Variants in GPM6A observed in about 807,000 individuals in gnomAD.
GPM6A encodes the protein neuronal membrane glycoprotein M6-a.
Under a neutral mutation model 32.1 loss-of-function variants are expected in GPM6A, and 7 were observed. The observed-to-expected ratio is 0.22, with a 90% CI of 0.12 to 0.41. The LOEUF (loss-of-function observed/expected upper bound fraction) is 0.41. Ranked by LOEUF, GPM6A falls within the 10% of genes least tolerant of loss-of-function variation. The pLI is 1.00. For missense variants in GPM6A, 235 were observed against 347.2 expected (o/e 0.68, Z 2.57); for synonymous variants, 130 against 123.4 (o/e 1.05, Z -0.35).
intron 1 of GPM6A, among the ~76,000 whole-genome samples, chr4:175,939,536 G>C (rs1400203626): frequency 1.3e-5 from 2 of 152,076 alleles, no homozygotes; most frequent in African/African-American, 2.4e-5. Context: ...CCCAATTAAA[G>C]AGAGGCCACT....
rs77327628 is a variant in GPM6A, at chr4:175,967,275, G to A, written c.-23+35034C>T. ...AAAAACTTTCAGCAAACTAGGGATCGAGGTGAACTTTCTCAACTTGGTAAA... is the reference window on the plus strand; with the variant it reads ...AAAAACTTTCAGCAAACTAGGGATCAAGGTGAACTTTCTCAACTTGGTAAA... On this transcript the variant is annotated intron_variant, in intron 1 of 7. Transcript: ENST00000280187. Among the ~76,000 whole-genome samples, 73 of 152,202 alleles carry A rather than the reference G, an allele frequency of 4.8e-4. No individual in the cohort carries two copies. In the East Asian group the frequency reaches 0.012, roughly 25 times the overall value.
At chr4:175,837,652 C>CACTG (rs1429021466) in intron 1 of GPM6A, among the ~76,000 whole-genome samples, 2 of 152,158 alleles carry the variant, frequency 1.3e-5, no homozygotes, top group Non-Finnish European at 2.9e-5. Flanking sequence ...TAAGCCTGAG[C>CACTG]ACTGACAGAG....
In GPM6A at chr4:175,807,978, C is replaced by A. The variant is rs187145274; in HGVS notation, c.37+4213G>T. 2.0e-5 allele frequency among the ~76,000 whole-genome samples: 3 copies of A among 152,262 alleles called. No homozygotes were observed. In the East Asian group the frequency reaches 5.8e-4, roughly 29 times the overall value. Reference sequence around the variant, plus strand: ...TACCACTTAAGGTTATTGTGAAGAGCCAATGAGTTCATTTAGGTAAAGTCC... The same window carrying A: ...TACCACTTAAGGTTATTGTGAAGAGACAATGAGTTCATTTAGGTAAAGTCC... On this transcript the variant is annotated intron_variant, in intron 1 of 6. Transcript: ENST00000393658.
intron 1 of GPM6A, among the ~76,000 whole-genome samples, chr4:175,870,923 A>G (rs891479393): frequency 6.6e-6 from 1 of 152,026 alleles, no homozygotes; most frequent in Non-Finnish European, 1.5e-5. Flanking sequence ...ATCACACAAA[A>G]CATTTATGAC....
chr4:175,740,684 T>C (rs1197898554), intron 1 of GPM6A, among the ~76,000 whole-genome samples: 2 of 152,072 alleles, frequency 1.3e-5, no homozygotes, highest in South Asian at 2.1e-4. Flanking sequence ...GATTAGAAAA[T>C]ATTTTTGTTT....
At chr4:175,936,468 A>G (rs1739238730) in intron 1 of GPM6A, among the ~76,000 whole-genome samples, 1 of 150,944 alleles carries the variant, frequency 6.6e-6, no homozygotes, top group Non-Finnish European at 1.5e-5. Context: ...CCACTAGAAC[A>G]TAGTTACCCA....
intron 3 of GPM6A, among the ~76,000 whole-genome samples, chr4:175,663,892 C>T (rs1742582026): frequency 6.6e-6 from 1 of 152,006 alleles, no homozygotes; most frequent in African/African-American, 2.4e-5. Context: ...CGGGATTTCA[C>T]TGTGTTAGCC....
At chr4:175,771,404 T>C (rs985022234) in intron 1 of GPM6A, among the ~76,000 whole-genome samples, 2 of 151,864 alleles carry the variant, frequency 1.3e-5, no homozygotes, top group African/African-American at 2.4e-5. Flanking sequence ...AAACCCTGTC[T>C]CTACTAAAAA....
At chr4:175,659,554 TA>T (rs1394967280) in intron 3 of GPM6A, among the ~76,000 whole-genome samples, 6 of 152,186 alleles carry the variant, frequency 3.9e-5, no homozygotes, top group Non-Finnish European at 8.8e-5. Flanking sequence ...TTATGTTCCA[TA>T]AATTTATTTT....
chr4:175,910,764 C>T (rs148749096), intron 1 of GPM6A, among the ~76,000 whole-genome samples: 2 of 152,210 alleles, frequency 1.3e-5, no homozygotes, highest in Non-Finnish European at 1.5e-5. Flanking sequence ...CTCTCTAAAC[C>T]GGAGTTCAAC....
At chr4:175,637,122 A>C (rs28880662) in intron 6 of GPM6A, among the ~76,000 whole-genome samples, 6 of 119,604 alleles carry the variant, frequency 5.0e-5, no homozygotes, top group South Asian at 2.3e-4. Flanking sequence ...TGTGATATAT[A>C]ATATATAATA....
At chr4:175,909,702 G>A (rs766954058) in intron 1 of GPM6A, among the ~76,000 whole-genome samples, 4 of 152,062 alleles carry the variant, frequency 2.6e-5, no homozygotes, top group Non-Finnish European at 4.4e-5. Flanking sequence ...ACAGTAATCT[G>A]GAAAAGATTC....
At chr4:175,931,709 C>CACACACATATATATATAT (rs1324269132) in intron 1 of GPM6A, among the ~76,000 whole-genome samples, 17 of 129,298 alleles carry the variant, frequency 1.3e-4, no homozygotes, top group African/African-American at 4.0e-4. Context: ...CACACACACA[C>CACACACATATATATATAT]ATATATATAT....
chr4:175,691,232 C>A (rs1286612513), intron 2 of GPM6A, among the ~76,000 whole-genome samples: 3 of 152,002 alleles, frequency 2.0e-5, no homozygotes, highest in African/African-American at 7.2e-5. Flanking sequence ...ATTATGAAGT[C>A]ACAGAAGGAT....
In GPM6A at chr4:175,984,185, C is replaced by T. The variant is rs1035102095; in HGVS notation, c.-23+18124G>A. Among the ~76,000 whole-genome samples, 6 of 151,980 alleles carry T rather than the reference C, an allele frequency of 3.9e-5. No homozygotes were observed. In the East Asian group the frequency reaches 7.7e-4, roughly 20 times the overall value. On this transcript the variant is annotated intron_variant, in intron 1 of 7. Transcript: ENST00000280187. ...TTATTTATTTATGTATTTATTGAGA[C>T]GAAGTCTTGCTCTGTCACCCAAGCT... is the stretch of plus-strand genomic sequence containing the variant.
At chr4:175,785,285 A>G (rs138709580) in intron 1 of GPM6A, among the ~76,000 whole-genome samples, 214 of 152,278 alleles carry the variant, frequency 1.4e-3, no homozygotes, top group African/African-American at 4.8e-3. Context: ...CCCAGCATCA[A>G]TTGAGCCCTC....
At chr4:175,762,004 G>A (rs912288738) in intron 1 of GPM6A, among the ~76,000 whole-genome samples, 1 of 152,130 alleles carries the variant, frequency 6.6e-6, no homozygotes, top group Non-Finnish European at 1.5e-5. Flanking sequence ...ATATGGGTCA[G>A]GCTGGTCTCG....
At chr4:175,852,227 G>A (rs978458371) in intron 1 of GPM6A, among the ~76,000 whole-genome samples, 2 of 151,926 alleles carry the variant, frequency 1.3e-5, no homozygotes, top group South Asian at 2.1e-4. Flanking sequence ...AAATAAATAA[G>A]TGGAAATGTG....
chr4:175,816,814 G>T (rs1735113990), upstream of GPM6A, among the ~76,000 whole-genome samples: 1 of 152,248 alleles, frequency 6.6e-6, no homozygotes, highest in South Asian at 2.1e-4. Flanking sequence ...GCTGCTTTAA[G>T]CTCCAAGTCA....
Sources: allele counts gnomAD v4.1 joint callset (sites outside exome capture counted in the v4.1 genomes callset), GRCh38; gene constraint gnomAD v4.1.1; transcripts MANE v1.5; gene names NCBI Gene and HGNC (gene_info 2026-07-23, HGNC 2026-07-21).